ASCL5: variants seen among roughly 807,000 people sequenced by gnomAD.
The protein encoded by ASCL5 is achaete-scute family bHLH transcription factor 5.
For missense variants in ASCL5, 262 were observed against 268.9 expected (o/e 0.97, Z 0.18); for synonymous variants, 124 against 131.5 (o/e 0.94, Z 0.39).
Position 201,115,174 on chromosome 1 carries a change from CG to C in ASCL5, c.198del (p.Tyr66Ter), listed in dbSNP as rs1322917840. On this transcript the variant is annotated frameshift_variant, in exon 2 of 2. Coordinates refer to ENST00000449188, the MANE Select transcript of ASCL5 (RefSeq NM_001270601.2). LOFTEE classifies it low-confidence loss of function (END_TRUNC). ...YYDAYAGVFP[Y>X]VPFPGAFGVY... ...ACCCCGAAGGCGCCGGGGAAGGGCA[CG>C]TAGGGGAACACCCCCGCATAGGCGT... The C allele has an allele frequency of 8.1e-7, 1 of 1,231,622 alleles. No individual in the cohort carries two copies. Among genetic ancestry groups the C allele is most frequent in the Non-Finnish European group, 1.0e-6 (1 of 987,936 alleles). The allele number at this position is 1,231,622 out of a possible 1,614,324, so 76.3% of individuals were successfully genotyped here.
In ASCL5 at chr1:201,115,469, A is replaced by T; in HGVS notation, c.-97T>A. Reference sequence around the variant, plus strand: ...CACCAGTGGGGCAAGTCACATCGCTAGCAGCAGCTCTTGGGTACCAGGACT... The same window carrying T: ...CACCAGTGGGGCAAGTCACATCGCTTGCAGCAGCTCTTGGGTACCAGGACT... On this transcript the variant is annotated 5_prime_UTR_variant, in exon 2 of 2. Transcript: ENST00000449188. The T allele has an allele frequency of 9.5e-7, 1 of 1,053,564 alleles. No individual in the cohort carries two copies. Among genetic ancestry groups the T allele is most frequent in the Non-Finnish European group, 1.2e-6 (1 of 826,342 alleles). The allele number at this position is 1,053,564 out of a possible 1,614,324, so 65.3% of individuals were successfully genotyped here. A position where few individuals can be genotyped will look rare whatever the true frequency, so the allele number is the denominator to read the frequency against.
At chr1:201,117,253 T>A (rs1004216955) in intron 1 of ASCL5, among the ~76,000 whole-genome samples, 4 of 152,172 alleles carry the variant, frequency 2.6e-5, no homozygotes, top group Admixed American at 2.0e-4. Flanking sequence ...CTGGCCAACA[T>A]GATGAAACCC....
chr1:201,126,682 T>C (rs1439977147), intron 1 of ASCL5, among the ~76,000 whole-genome samples: 3 of 152,174 alleles, frequency 2.0e-5, no homozygotes, highest in Non-Finnish European at 4.4e-5. Flanking sequence ...AACAATTAAG[T>C]AATGGAGCTA....
intron 1 of ASCL5, among the ~76,000 whole-genome samples, chr1:201,123,618 T>A (rs987677785): frequency 6.6e-6 from 1 of 152,208 alleles, no homozygotes; most frequent in African/African-American, 2.4e-5. Context: ...TTCTACACTC[T>A]GGGACTGGGG....
rs540988004 is a variant in ASCL5 at position 201,123,795 on chromosome 1, C to T, written c.-506+3289G>A. Among the ~76,000 whole-genome samples, 4 of 152,288 alleles carry T rather than the reference C, an allele frequency of 2.6e-5. No homozygotes were observed. In the South Asian group the frequency reaches 8.3e-4, roughly 32 times the overall value. On this transcript the variant is annotated intron_variant, in intron 1 of 1. Coordinates refer to ENST00000449188, the MANE Select transcript of ASCL5 (RefSeq NM_001270601.2). ...GACACCTGGACTCTTGTCCCAAAGC[C>T]ACCAATAAGTGCTAATGTGACTCTT...
In ASCL5 at chr1:201,117,677, A is replaced by T. The variant is rs370703534; in HGVS notation, c.-505-1800T>A. ...CTCTCTACATCTCTCTGCTTTACCC[A>T]GAGTCCTGCCATCCTTGATTCCAGC... is the stretch of plus-strand genomic sequence containing the variant. On this transcript the variant is annotated intron_variant, in intron 1 of 1. Coordinates refer to ENST00000449188, the MANE Select transcript of ASCL5 (RefSeq NM_001270601.2). 2.8e-3 allele frequency among the ~76,000 whole-genome samples: 424 copies of T among 152,254 alleles called. 4 individuals are homozygous for T. The highest frequency in any genetic ancestry group is 4.3e-3 in the African/African-American group (179 of 41,540).
Position 201,126,349 on chromosome 1 carries a change from G to A in ASCL5, c.-506+735C>T, listed in dbSNP as rs561795795. ...ACTTCTGGCTTCAAGTGATCCTCCC[G>A]CCTCAGCCTGCTGAGTGGCTGAGAT... is the stretch of plus-strand genomic sequence containing the variant. On this transcript the variant is annotated intron_variant, in intron 1 of 1. Coordinates refer to ENST00000449188, the MANE Select transcript of ASCL5 (RefSeq NM_001270601.2). 1.4e-4 allele frequency among the ~76,000 whole-genome samples: 21 copies of A among 152,096 alleles called. No individual in the cohort carries two copies. In the South Asian group the frequency reaches 2.9e-3, roughly 21 times the overall value.
At chr1:201,124,382 G>A (rs188453617) in intron 1 of ASCL5, among the ~76,000 whole-genome samples, 100 of 152,282 alleles carry the variant, frequency 6.6e-4, no homozygotes, top group Non-Finnish European at 6.6e-4. Context: ...CACACCCATC[G>A]TCATTGTTGT....
At chr1:201,116,037 T>G (rs56039363) in intron 1 of ASCL5, among the ~76,000 whole-genome samples, 160 bp from the exon 2 acceptor site, 1,829 of 152,306 alleles carry the variant, frequency 0.012, 21 homozygotes, top group Non-Finnish European at 0.019. Context: ...TTGTGTCCAC[T>G]CCTTAATAGT....
chr1:201,117,254 G>A (rs1663368051), intron 1 of ASCL5, among the ~76,000 whole-genome samples: 1 of 152,132 alleles, frequency 6.6e-6, no homozygotes, highest in Non-Finnish European at 1.5e-5. Context: ...TGGCCAACAT[G>A]ATGAAACCCT....
Position 201,114,699 on chromosome 1 carries a change from G to A in ASCL5, c.*53C>T, listed in dbSNP as rs1390558066. ...CAACAGCCTCCCGCTGCTCCCGAAAGTGGGACGGGGCCGGCGGATCATCCT... is the reference window on the plus strand; with the variant it reads ...CAACAGCCTCCCGCTGCTCCCGAAAATGGGACGGGGCCGGCGGATCATCCT... On this transcript the variant is annotated 3_prime_UTR_variant, in exon 2 of 2. Transcript: ENST00000449188. 4.1e-6 allele frequency: 5 copies of A among 1,227,158 alleles called. No individual in the cohort carries two copies. Among genetic ancestry groups the A allele is most frequent in the Non-Finnish European group, 5.1e-6 (5 of 984,630 alleles). The allele number at this position is 1,227,158 out of a possible 1,614,324, so 76.0% of individuals were successfully genotyped here.
At chr1:201,116,640 A>G (rs754867612) in intron 1 of ASCL5, among the ~76,000 whole-genome samples, 1 of 152,222 alleles carries the variant, frequency 6.6e-6, no homozygotes, top group Non-Finnish European at 1.5e-5. Flanking sequence ...GTAGCCTTTC[A>G]TAGGCTTTAG....
At chr1:201,126,019 G>A (rs931498818) in intron 1 of ASCL5, among the ~76,000 whole-genome samples, 8 of 152,204 alleles carry the variant, frequency 5.3e-5, no homozygotes, top group Admixed American at 2.0e-4. Flanking sequence ...GTGTTCTAAC[G>A]GGGACAGAAT....
At chr1:201,122,854 C>A (rs1393735315) in intron 1 of ASCL5, among the ~76,000 whole-genome samples, 1 of 152,200 alleles carries the variant, frequency 6.6e-6, no homozygotes, top group Non-Finnish European at 1.5e-5. Context: ...GGCTAAGTAG[C>A]TTTAGGCCAG....
Position 201,115,087 on chromosome 1 carries a change from C to T in ASCL5, c.286G>A (p.Val96Ile). The change falls in exon 2 of 2, where the codon GTC becomes ATC. Residue 96 changes from valine (V) to isoleucine (I), a missense_variant. Val to Ile is a conservative substitution (Grantham distance 29). Coordinates refer to ENST00000449188, the MANE Select transcript of ASCL5 (RefSeq NM_001270601.2). The stretch of plus-strand genomic sequence containing the variant: ...GCGTAGCCCTCGTTGACGCACTTGA[C>T]TCGCTGCCTCTCGCGCTCGTTGCGC... ...QKRNERERQRVKCVNEGYARL... is the reference protein window; with the variant it reads ...QKRNERERQRIKCVNEGYARL... 2 of 1,231,890 alleles carry T rather than the reference C, an allele frequency of 1.6e-6. No individual in the cohort carries two copies. The highest frequency in any genetic ancestry group is 2.0e-6 in the Non-Finnish European group (2 of 988,094). The allele number at this position is 1,231,890 out of a possible 1,614,324, so 76.3% of individuals were successfully genotyped here. A position where few individuals can be genotyped will look rare whatever the true frequency, so the allele number is the denominator to read the frequency against.
intron 1 of ASCL5, among the ~76,000 whole-genome samples, chr1:201,117,017 T>A (rs1221767086): frequency 1.3e-5 from 2 of 152,202 alleles, no homozygotes; most frequent in African/African-American, 4.8e-5. Flanking sequence ...TTCTGCACCC[T>A]CTCACCTCTG....
chr1:201,123,521 G>A (rs1663521541), intron 1 of ASCL5, among the ~76,000 whole-genome samples: 1 of 152,368 alleles, frequency 6.6e-6, no homozygotes, highest in East Asian at 1.9e-4. Context: ...CCAACTTACA[G>A]ATGAGAAGAA....
Position 201,127,142 on chromosome 1 carries a change from G to C in ASCL5, c.-564C>G, listed in dbSNP as rs544371362. 1.3e-5 allele frequency: 2 copies of C among 152,672 alleles called. No individual in the cohort carries two copies. The highest frequency in any genetic ancestry group is 3.8e-4 in the East Asian group (2 of 5,202). 9.5% of individuals were successfully genotyped at this position (152,672 alleles called of 1,614,324 possible). On this transcript the variant is annotated 5_prime_UTR_variant, in exon 1 of 2. Coordinates refer to ENST00000449188, the MANE Select transcript of ASCL5 (RefSeq NM_001270601.2). The stretch of plus-strand genomic sequence containing the variant: ...CTGATCAGTGGCTCTTGAACCTCCT[G>C]GGGGGACTGCGGAATCTCCGGGGCT...
intron 1 of ASCL5, among the ~76,000 whole-genome samples, chr1:201,124,551 T>TG (rs927709648): frequency 2.1e-5 from 3 of 142,354 alleles, no homozygotes; most frequent in African/African-American, 5.7e-5. Flanking sequence ...GGCTATTTCA[T>TG]GGGGGAAAAA....
Sources: allele counts gnomAD v4.1 joint callset (sites outside exome capture counted in the v4.1 genomes callset), GRCh38; gene constraint gnomAD v4.1.1; transcripts MANE v1.5; gene names NCBI Gene and HGNC (gene_info 2026-07-23, HGNC 2026-07-21).